Variants in TIMP3 observed in about 807,000 individuals in gnomAD.
TIMP3 encodes metalloproteinase inhibitor 3.
A neutral mutation model predicts 30.0 loss-of-function variants in TIMP3; 11 were observed. The ratio of observed to expected loss-of-function variants is 0.37; its 90% CI spans 0.23 to 0.61. The LOEUF (loss-of-function observed/expected upper bound fraction) is 0.61. Among genes scored for constraint, TIMP3 ranks in the 20% least tolerant of loss-of-function variants. TIMP3 has a pLI of 0.70. For synonymous variants in TIMP3, 112 were observed against 111.3 expected (o/e 1.01, Z -0.04); for missense variants, 181 against 276.8 (o/e 0.65, Z 2.45).
intron 1 of TIMP3, among the ~76,000 whole-genome samples, chr22:32,831,137 C>T (rs545856750): frequency 7.2e-5 from 11 of 152,268 alleles, no homozygotes; most frequent in South Asian, 4.1e-4. Flanking sequence ...AAGGTGGCAG[C>T]GTGACCCTTA....
At chr22:32,856,599 T>C (rs1341307561) in intron 2 of TIMP3, among the ~76,000 whole-genome samples, 1 of 152,254 alleles carries the variant, frequency 6.6e-6, no homozygotes, top group Non-Finnish European at 1.5e-5. Flanking sequence ...CAAAAATGTA[T>C]AGTAATCAAA....
Position 32,859,163 on chromosome 22 carries a change from C to T in TIMP3, c.439-17C>T, listed in dbSNP as rs1569281617. On this transcript the variant is annotated splice_polypyrimidine_tract_variant and intron_variant, in intron 4 of 4. Transcript: ENST00000266085. The stretch of plus-strand genomic sequence containing the variant: ...CATGGCAGAGTCCATCAACTGCTGC[C>T]TGTTATCTAATTGCAGATCAAGTCC... 1.2e-6 allele frequency: 2 copies of T among 1,614,134 alleles called. No homozygotes were observed. Among genetic ancestry groups the T allele is most frequent in the Admixed American group, 1.7e-5 (1 of 60,024 alleles).
chr22:32,810,785 GT>G (rs2046896262), intron 1 of TIMP3, among the ~76,000 whole-genome samples: 1 of 152,166 alleles, frequency 6.6e-6, no homozygotes, highest in African/African-American at 2.4e-5. Flanking sequence ...TGAAGACTTG[GT>G]TTCGTGACTT....
intron 1 of TIMP3, among the ~76,000 whole-genome samples, chr22:32,814,332 A>G (rs1044783871): frequency 6.7e-6 from 1 of 148,312 alleles, no homozygotes; most frequent in Non-Finnish European, 1.5e-5. Context: ...AGAAAGAAAG[A>G]AAGAAAGAGA....
chr22:32,804,679 C>T (rs2046677997), intron 1 of TIMP3, among the ~76,000 whole-genome samples: 1 of 152,192 alleles, frequency 6.6e-6, no homozygotes, highest in East Asian at 1.9e-4. Context: ...GTCCTAGGGC[C>T]TGGCATGGCA....
intron 1 of TIMP3, among the ~76,000 whole-genome samples, chr22:32,814,313 G>GAGAC (rs2047015826): frequency 2.5e-5 from 1 of 39,676 alleles, no homozygotes; most frequent in Non-Finnish European, 4.7e-5. Flanking sequence ...GAGAGAGAGA[G>GAGAC]AGACAGAAAG....
chr22:32,825,487 C>T (rs984850818), intron 1 of TIMP3, among the ~76,000 whole-genome samples: 1 of 151,358 alleles, frequency 6.6e-6, no homozygotes, highest in African/African-American at 2.4e-5. Context: ...GGTGAAACCC[C>T]GTCTTTACTA....
At chr22:32,821,616 A>G (rs1203053540) in intron 1 of TIMP3, among the ~76,000 whole-genome samples, 1 of 152,240 alleles carries the variant, frequency 6.6e-6, no homozygotes. Context: ...GGGGCAAGGC[A>G]AATCGGATGG....
intron 1 of TIMP3, among the ~76,000 whole-genome samples, chr22:32,829,801 C>T (rs1421094668): frequency 6.6e-6 from 1 of 152,250 alleles, no homozygotes; most frequent in Admixed American, 6.5e-5. Context: ...GGTTTGTCAG[C>T]GGGCTTCACC....
chr22:32,831,571 A>G (rs2047575111), intron 1 of TIMP3, among the ~76,000 whole-genome samples: 1 of 152,186 alleles, frequency 6.6e-6, no homozygotes. Context: ...TTTTATTACC[A>G]AGGACTAGCA....
At chr22:32,858,708 T>A (rs1232646160) in intron 4 of TIMP3, among the ~76,000 whole-genome samples, 2 of 152,154 alleles carry the variant, frequency 1.3e-5, no homozygotes, top group African/African-American at 4.8e-5. Context: ...ATTACTATGA[T>A]CTCCATTCTG....
intron 3 of TIMP3, 69 bp downstream of exon 3, chr22:32,857,429 C>A: frequency 8.5e-7 from 1 of 1,178,174 alleles, no homozygotes. Context: ...TTCAGAAGAA[C>A]ACATACGGAG....
At chr22:32,840,573 G>A (rs552556413) in intron 1 of TIMP3, among the ~76,000 whole-genome samples, 116 of 151,938 alleles carry the variant, frequency 7.6e-4, no homozygotes, top group African/African-American at 2.5e-3. Flanking sequence ...GCGGGAGATC[G>A]GCTCTGGCTT....
intron 1 of TIMP3, among the ~76,000 whole-genome samples, chr22:32,813,394 C>T (rs2046965246): frequency 6.6e-6 from 1 of 151,794 alleles, no homozygotes. Flanking sequence ...CCAGCTCCAG[C>T]CTATCAGGAT....
intron 1 of TIMP3, among the ~76,000 whole-genome samples, chr22:32,841,322 A>T (rs1329333609): frequency 1.3e-5 from 2 of 152,170 alleles, no homozygotes; most frequent in African/African-American, 2.4e-5. Flanking sequence ...GATAGAGCAC[A>T]GTGTCAGGGG....
chr22:32,817,859 C>T (rs1302119777), intron 1 of TIMP3, among the ~76,000 whole-genome samples: 1 of 152,178 alleles, frequency 6.6e-6, no homozygotes, highest in African/African-American at 2.4e-5. Flanking sequence ...GGGGACATAC[C>T]GGTGCAACCC....
chr22:32,820,904 TCA>T (rs2047228196), intron 1 of TIMP3, among the ~76,000 whole-genome samples: 1 of 152,218 alleles, frequency 6.6e-6, no homozygotes, highest in African/African-American at 2.4e-5. Context: ...ATTAATTCTC[TCA>T]CTGCTTATTT....
At chr22:32,819,303 G>C (rs1241643580) in intron 1 of TIMP3, among the ~76,000 whole-genome samples, 1 of 152,240 alleles carries the variant, frequency 6.6e-6, no homozygotes, top group Non-Finnish European at 1.5e-5. Context: ...TAGTGAGAAG[G>C]CATCTCAGGA....
At chr22:32,838,623 T>C (rs1007071276) in intron 1 of TIMP3, among the ~76,000 whole-genome samples, 6 of 152,266 alleles carry the variant, frequency 3.9e-5, no homozygotes, top group Admixed American at 1.3e-4. Context: ...GAGGTCAGTC[T>C]TCAATATTTT....
Sources: allele counts gnomAD v4.1 joint callset (sites outside exome capture counted in the v4.1 genomes callset), GRCh38; gene constraint gnomAD v4.1.1; transcripts MANE v1.5; gene names NCBI Gene and HGNC (gene_info 2026-07-23, HGNC 2026-07-21).